AP1M1: variants seen among roughly 807,000 people sequenced by gnomAD.
AP1M1 encodes AP-1 complex subunit mu-1.
AP1M1 carries 18 observed loss-of-function variants against 57.1 expected under a neutral mutation model. The ratio of observed to expected loss-of-function variants is 0.32; its 90% CI spans 0.22 to 0.47. The LOEUF is 0.47. Among genes scored for constraint, AP1M1 ranks in the 20% least tolerant of loss-of-function variants. The pLI, the probability that AP1M1 is intolerant of heterozygous loss-of-function variation, is 1.00. For synonymous variants in AP1M1, 241 were observed against 237.9 expected, an observed-to-expected ratio of 1.01 and a Z score of -0.12; for missense variants, 362 against 593.5, an observed-to-expected ratio of 0.61 and a Z score of 4.05.
chr19:16,205,964 A>C (rs1259172018), intron 2 of AP1M1, among the ~76,000 whole-genome samples: 1 of 152,132 alleles, frequency 6.6e-6, no homozygotes, highest in East Asian at 1.9e-4. Context: ...CAGGGTCATG[A>C]TGAGGTCAGC....
chr19:16,232,561 G>T (rs1389730599), intron 9 of AP1M1, among the ~76,000 whole-genome samples: 3 of 152,184 alleles, frequency 2.0e-5, no homozygotes, highest in African/African-American at 7.2e-5. Flanking sequence ...TCTTCCCCCC[G>T]TCATCCTCCT....
rs2091637269 is a variant in AP1M1 at position 16,239,369 on chromosome 19, T to C, written c.*4934T>C. ...AGAGGATTACTTGAGCCCAGGAGTTTAAGGACAGCCTGGGCAACATAGTGA... is the reference window on the plus strand; with the variant it reads ...AGAGGATTACTTGAGCCCAGGAGTTCAAGGACAGCCTGGGCAACATAGTGA... On this transcript the variant is annotated 3_prime_UTR_variant, in exon 12 of 12. Coordinates refer to ENST00000291439, the MANE Select transcript of AP1M1 (RefSeq NM_032493.4). 1 of 146,228 alleles carries C rather than the reference T, an allele frequency of 6.8e-6. No homozygotes were observed. Among genetic ancestry groups the C allele is most frequent in the African/African-American group, 2.5e-5 (1 of 39,724 alleles). The allele number at this position is 146,228 out of a possible 1,614,324, so 9.1% of individuals were successfully genotyped here.
At position 16,197,975 on chromosome 19, in the gene AP1M1, T is replaced by TCGCTGCCGCCGCTACCGCCCTCGGC; in HGVS notation, c.-40_-39insTACCGCCCTCGGCCGCTGCCGCCGC. 1.4e-6 allele frequency: 2 copies of TCGCTGCCGCCGCTACCGCCCTCGGC among 1,451,818 alleles called. No individual in the cohort carries two copies. The highest frequency in any genetic ancestry group is 1.8e-6 in the Non-Finnish European group (2 of 1,087,934). 89.9% of individuals were successfully genotyped at this position (1,451,818 alleles called of 1,614,324 possible). A position where few individuals can be genotyped will look rare whatever the true frequency, so the allele number is the denominator to read the frequency against. On this transcript the variant is annotated 5_prime_UTR_variant, in exon 1 of 12. Transcript: ENST00000291439. ...GCTCAACGCCCAGCAGTCCCCACCG[T>TCGCTGCCGCCGCTACCGCCCTCGGC]CGCTGCCGCCGCCACCGCCCTCGGC...
At position 16,227,594 on chromosome 19, in the gene AP1M1, G is replaced by C; in HGVS notation, c.720G>C (p.Gln240His). ...AGCTGGAGGATGTGAAGTTCCACCA[G>C]TGTGTGCGGCTATCACGCTTCGAGA... Reference protein sequence around the residue: ...SVELEDVKFHQCVRLSRFEND... With the variant: ...SVELEDVKFHHCVRLSRFEND... Residue 240 changes from glutamine to histidine, a missense_variant, in exon 7 of 12, where the codon CAG becomes CAC. Physicochemically the swap from Gln to His is conservative, Grantham distance 24 (BLOSUM62 0). This residue lies in a region of AP1M1 where 337 missense variants were observed against 511.1 expected (regional missense o/e 0.66). Transcript: ENST00000291439. This position sits in a 1 kb window ranked among gnomAD's most constrained non-coding sequence, Gnocchi z 6.2. 2 of 1,614,082 alleles carry C rather than the reference G, an allele frequency of 1.2e-6. No individual in the cohort carries two copies. The highest frequency in any genetic ancestry group is 1.7e-6 in the Non-Finnish European group (2 of 1,179,950).
chr19:16,216,314 G>A (rs1343471933), intron 5 of AP1M1, among the ~76,000 whole-genome samples: 5 of 152,040 alleles, frequency 3.3e-5, no homozygotes, highest in Non-Finnish European at 4.4e-5. Context: ...GTGTGGTGGC[G>A]GGCGCCTGTA....
chr19:16,206,268 C>A lies in AP1M1; in HGVS notation c.200-73C>A. 2.0e-6 allele frequency: 3 copies of A among 1,489,174 alleles called. No homozygotes were observed. Among genetic ancestry groups the A allele is most frequent in the South Asian group, 1.1e-5 (1 of 87,726 alleles). The allele number at this position is 1,489,174 out of a possible 1,614,324, so 92.2% of individuals were successfully genotyped here. A position where few individuals can be genotyped will look rare whatever the true frequency, so the allele number is the denominator to read the frequency against. ...CTGAGGGTTGTGAGGGTTAGGGGGT[C>A]CCTCCATGAACCAGGATCTTCCAGG... On this transcript the variant is annotated intron_variant, in intron 2 of 11. Coordinates refer to ENST00000291439, the MANE Select transcript of AP1M1 (RefSeq NM_032493.4). This position sits in a 1 kb window ranked among gnomAD's most constrained non-coding sequence, Gnocchi z 4.3.
At chr19:16,233,769 G>A (rs551375653) in intron 10 of AP1M1, 151 bp downstream of exon 10, 5 of 1,142,118 alleles carry the variant, frequency 4.4e-6, no homozygotes, top group African/African-American at 3.1e-5. Flanking sequence ...GACAGGGTGA[G>A]GCCAGGCTGC....
chr19:16,244,028 GCA>G lies in AP1M1; in HGVS notation c.*9597_*9598del, dbSNP rs748770219. 10 of 152,166 alleles carry G rather than the reference GCA, an allele frequency of 6.6e-5. No homozygotes were observed. Among genetic ancestry groups the G allele is most frequent in the Non-Finnish European group, 1.3e-4 (9 of 68,028 alleles). The allele number at this position is 152,166 out of a possible 1,614,324, so 9.4% of individuals were successfully genotyped here. On this transcript the variant is annotated 3_prime_UTR_variant, in exon 12 of 12. Coordinates refer to ENST00000291439, the MANE Select transcript of AP1M1 (RefSeq NM_032493.4). ...AGAATCCATCAAGCATTGATGATTT[GCA>G]CACTCTTTTGTGTATATGTTACACT...
At position 16,208,943 on chromosome 19, in the gene AP1M1, C is replaced by T. The variant is rs73928762; in HGVS notation, c.399-87C>T. ...CGGTCAGAACCTGCCCTGTACCCCC[C>T]ACCCAACCCTGCCGAAATGTCAAGG... is the stretch of plus-strand genomic sequence containing the variant. On this transcript the variant is annotated intron_variant, in intron 4 of 11. Transcript: ENST00000291439. 9.3e-6 allele frequency: 14 copies of T among 1,510,154 alleles called. No homozygotes were observed. In the African/African-American group the frequency reaches 9.7e-5, roughly 10 times the overall value. 93.5% of individuals were successfully genotyped at this position (1,510,154 alleles called of 1,614,324 possible). A position where few individuals can be genotyped will look rare whatever the true frequency, so the allele number is the denominator to read the frequency against.
At chr19:16,215,400 G>A (rs12976006) in intron 5 of AP1M1, among the ~76,000 whole-genome samples, 76,835 of 136,784 alleles carry the variant, frequency 0.56, 23,886 homozygotes, top group Non-Finnish European at 0.71. Flanking sequence ...GGCGGAGGTT[G>A]CAGTGACCTG....
intron 5 of AP1M1, among the ~76,000 whole-genome samples, chr19:16,213,126 T>A (rs151008282): frequency 0.017 from 2,583 of 152,304 alleles, 26 homozygotes; most frequent in Middle Eastern, 0.051. Context: ...AGTGCTGAGT[T>A]AAGGTCCTGG....
At chr19:16,231,219 C>T (rs538022932) in intron 9 of AP1M1, among the ~76,000 whole-genome samples, 10 of 141,786 alleles carry the variant, frequency 7.1e-5, no homozygotes, top group South Asian at 4.6e-4. Flanking sequence ...ACTCGGGAGG[C>T]GGAGCTTGCA....
chr19:16,212,681 G>T (rs1477695733), intron 5 of AP1M1, among the ~76,000 whole-genome samples: 1 of 152,170 alleles, frequency 6.6e-6, no homozygotes, highest in Non-Finnish European at 1.5e-5. Flanking sequence ...TCTTTTAGTT[G>T]TGATGTTAGG....
At chr19:16,199,702 C>G (rs528540418) in intron 1 of AP1M1, among the ~76,000 whole-genome samples, 2 of 152,156 alleles carry the variant, frequency 1.3e-5, no homozygotes, top group Admixed American at 1.3e-4. Context: ...TTCCCTCCCC[C>G]GCCTTCTTGG....
rs1016008631 is a variant in AP1M1 at position 16,239,697 on chromosome 19, T to G, written c.*5262T>G. ...CTACTCAGGTGGCTGGGGCAGGAGA[T>G]TCGCTTGAACCCGGGAGATGGCGCT... is the stretch of plus-strand genomic sequence containing the variant. On this transcript the variant is annotated 3_prime_UTR_variant, in exon 12 of 12. Transcript: ENST00000291439. The G allele has an allele frequency of 3.3e-5, 5 of 151,906 alleles. No homozygotes were observed. Among genetic ancestry groups the G allele is most frequent in the Admixed American group, 2.0e-4 (3 of 15,224 alleles). 9.4% of individuals were successfully genotyped at this position (151,906 alleles called of 1,614,324 possible). A position where few individuals can be genotyped will look rare whatever the true frequency, so the allele number is the denominator to read the frequency against.
At chr19:16,231,501 G>C (rs12980382) in intron 9 of AP1M1, among the ~76,000 whole-genome samples, 99,793 of 151,640 alleles carry the variant, frequency 0.66, 35,106 homozygotes, top group Non-Finnish European at 0.8. Context: ...CATGATCTCG[G>C]CTTGCTGCAA....
intron 5 of AP1M1, among the ~76,000 whole-genome samples, chr19:16,219,517 T>A (rs2091533667): frequency 6.6e-6 from 1 of 151,720 alleles, no homozygotes; most frequent in Non-Finnish European, 1.5e-5. Flanking sequence ...CCTGCCTCAG[T>A]CTCCCAAGTA....
chr19:16,219,012 G>A (rs1325089352), intron 5 of AP1M1, among the ~76,000 whole-genome samples: 4 of 151,632 alleles, frequency 2.6e-5, no homozygotes, highest in South Asian at 2.1e-4. Context: ...GTTTATTATA[G>A]GTGTTCTTTT....
rs2091576969 is a variant in AP1M1 at position 16,227,649 on chromosome 19, G to A, written c.775G>A (p.Asp259Asn). The A allele has an allele frequency of 1.9e-6, 3 of 1,613,976 alleles. No homozygotes were observed. Among genetic ancestry groups the A allele is most frequent in the Non-Finnish European group, 2.5e-6 (3 of 1,179,944 alleles). The change falls in exon 7 of 12, where the codon GAC becomes AAC. Residue 259 changes from aspartate (D) to asparagine (N), a missense_variant. By Grantham distance (23) the Asp-to-Asn change is conservative. This residue lies in a region of AP1M1 where 337 missense variants were observed against 511.1 expected (regional missense o/e 0.66). Transcript: ENST00000291439. This position sits in a 1 kb window ranked among gnomAD's most constrained non-coding sequence, Gnocchi z 6.2. The part of the protein sequence containing the change: ...NDRTISFIPP[D>N]GEFELMSYRL... ...CCGCACCATCTCCTTCATCCCACCC[G>A]ACGGCGAGTTCGAGCTCATGTCCTA...
Sources: allele counts gnomAD v4.1 joint callset (sites outside exome capture counted in the v4.1 genomes callset), GRCh38; gene constraint gnomAD v4.1.1; regional missense constraint gnomAD v4.1.1; non-coding constraint Gnocchi (gnomAD v3.1); transcripts MANE v1.5; gene names NCBI Gene and HGNC (gene_info 2026-07-23, HGNC 2026-07-21).